Variants in INO80 observed in about 807,000 individuals in gnomAD.
The protein encoded by INO80 is INO80 complex ATPase subunit, also known as chromatin-remodeling ATPase INO80.
A neutral mutation model predicts 203.4 loss-of-function variants in INO80; 20 were observed. That is an observed-to-expected ratio of 0.10 (90% CI 0.07 to 0.14). The LOEUF is 0.14. Among genes scored for constraint, INO80 ranks in the 10% least tolerant of loss-of-function variants. INO80 has a pLI of 1.00. For synonymous variants in INO80, 726 were observed against 685.2 expected, an observed-to-expected ratio of 1.06 and a Z score of -0.93; for missense variants, 1,419 against 1,914.4, an observed-to-expected ratio of 0.74 and a Z score of 4.83.
chr15:41,019,737 A>C (rs1393594251), intron 26 of INO80, among the ~76,000 whole-genome samples: 1 of 152,214 alleles, frequency 6.6e-6, no homozygotes, highest in Non-Finnish European at 1.5e-5. Context: ...TACTGCCTTC[A>C]GATACGCAGA....
chr15:41,033,079 C>G (rs1410009194), intron 24 of INO80, among the ~76,000 whole-genome samples: 1 of 152,042 alleles, frequency 6.6e-6, no homozygotes, highest in Non-Finnish European at 1.5e-5. Context: ...TCAGCACGTA[C>G]TATGCATAAG....
chr15:41,012,561 T>TTAAAAAAAAAAAAAAAAAAAAAAA (rs552096950), intron 27 of INO80, among the ~76,000 whole-genome samples: 1 of 90,808 alleles, frequency 1.1e-5, no homozygotes, highest in African/African-American at 4.1e-5. Context: ...AGACTCTTTT[T>TTAAAAAAAAAAAAAAAAAAAAAAA]AAAAAAAAAA....
chr15:40,981,011 G>T (rs4924531), intron 35 of INO80, among the ~76,000 whole-genome samples: 1 of 152,216 alleles, frequency 6.6e-6, no homozygotes, highest in South Asian at 2.1e-4. Context: ...CCCCCATCTT[G>T]AGTGATGACT....
intron 12 of INO80, among the ~76,000 whole-genome samples, chr15:41,071,101 T>A (rs190382601): frequency 1.2e-4 from 18 of 152,216 alleles, no homozygotes; most frequent in Admixed American, 8.5e-4. Flanking sequence ...CCCAGGAGTT[T>A]AAGGCTACAG....
At position 41,116,069 on chromosome 15, in the gene INO80, C is replaced by G; in HGVS notation, c.-140G>C. ...GGGGTCGCCCCGCCGACGGTGGAGCCGCGGTTCGCTCTCTGAGGCCGTGGG... is the reference window on the plus strand; with the variant it reads ...GGGGTCGCCCCGCCGACGGTGGAGCGGCGGTTCGCTCTCTGAGGCCGTGGG... On this transcript the variant is annotated 5_prime_UTR_variant, in exon 1 of 36. Coordinates refer to ENST00000648947, the MANE Select transcript of INO80 (RefSeq NM_017553.3). 1 of 396,336 alleles carries G rather than the reference C, an allele frequency of 2.5e-6. No individual in the cohort carries two copies. The highest frequency in any genetic ancestry group is 4.5e-6 in the Non-Finnish European group (1 of 224,574). The allele number at this position is 396,336 out of a possible 1,614,324, so 24.6% of individuals were successfully genotyped here. A position where few individuals can be genotyped will look rare whatever the true frequency, so the allele number is the denominator to read the frequency against.
At chr15:41,030,575 TG>T (rs2140485647) in intron 24 of INO80, among the ~76,000 whole-genome samples, 1 of 152,304 alleles carries the variant, frequency 6.6e-6, no homozygotes, top group African/African-American at 2.4e-5. Flanking sequence ...TTGGCCAGGC[TG>T]GTCTTGAACT....
intron 8 of INO80, among the ~76,000 whole-genome samples, chr15:41,080,620 C>T (rs903980458): frequency 6.6e-6 from 1 of 152,154 alleles, no homozygotes. Flanking sequence ...CTTTGGGAGG[C>T]TGAGGCAGGC....
At position 41,055,240 on chromosome 15, in the gene INO80, T is replaced by TACTC; in HGVS notation, c.2188+3_2188+6dup. ...TAGATAGAAAGCCAGCTCATAACAG[T>TACTC]ACTCACTCTCATCAATAGCAGATTT... On this transcript the variant is annotated splice_region_variant and intron_variant, in intron 18 of 35. Coordinates refer to ENST00000648947, the MANE Select transcript of INO80 (RefSeq NM_017553.3). 1 of 1,524,730 alleles carries TACTC rather than the reference T, an allele frequency of 6.6e-7. No homozygotes were observed. The highest frequency in any genetic ancestry group is 9.1e-7 in the Non-Finnish European group (1 of 1,099,772). 94.5% of individuals were successfully genotyped at this position (1,524,730 alleles called of 1,614,324 possible). A position where few individuals can be genotyped will look rare whatever the true frequency, so the allele number is the denominator to read the frequency against.
intron 1 of INO80, among the ~76,000 whole-genome samples, chr15:41,108,286 A>G (rs2045909733): frequency 6.6e-6 from 1 of 151,454 alleles, no homozygotes; most frequent in South Asian, 2.1e-4. Flanking sequence ...TGTGAGCTGA[A>G]TCCATTGAAA....
chr15:41,115,859 G>C (rs2046026678), intron 1 of INO80, 114 bp downstream of exon 1: 1 of 372,424 alleles, frequency 2.7e-6, no homozygotes, highest in Non-Finnish European at 4.8e-6. Context: ...CAAATCCAAG[G>C]GCCGGGGGCG....
chr15:41,023,760 C>T, intron 25 of INO80, among the ~76,000 whole-genome samples: 1 of 88,944 alleles, frequency 1.1e-5, no homozygotes, highest in Non-Finnish European at 1.9e-5. Flanking sequence ...CAGAGTGAGA[C>T]TCTGTCTCAA....
chr15:41,017,502 T>C (rs150664045), intron 26 of INO80: 2 of 152,354 alleles, frequency 1.3e-5, no homozygotes, highest in East Asian at 1.9e-4. Flanking sequence ...ACCTATGGCT[T>C]TTCTTCAGAA....
At chr15:41,052,541 T>C (rs994782931) in intron 19 of INO80, among the ~76,000 whole-genome samples, 17 of 151,284 alleles carry the variant, frequency 1.1e-4, no homozygotes, top group Non-Finnish European at 2.4e-4. Context: ...GGTGTGGTGG[T>C]GTACACCTGT....
chr15:41,013,750 TTA>T (rs537203160), intron 27 of INO80, among the ~76,000 whole-genome samples: 105 of 152,344 alleles, frequency 6.9e-4, no homozygotes, highest in Admixed American at 6.7e-3. Flanking sequence ...GAATTTCATT[TTA>T]GTTTTTAAAA....
At chr15:41,015,882 G>A (rs1379227604) in intron 27 of INO80, among the ~76,000 whole-genome samples, 2 of 150,470 alleles carry the variant, frequency 1.3e-5, no homozygotes, top group Non-Finnish European at 3.0e-5. Flanking sequence ...GGAAGGCAGA[G>A]GTTGCAGAGC....
chr15:41,023,082 C>T (rs1313692633), intron 25 of INO80: 1 of 339,734 alleles, frequency 2.9e-6, no homozygotes, highest in African/African-American at 2.4e-5. Context: ...GCCTGGGCAA[C>T]AGGGTGACAG....
At chr15:41,079,926 C>T (rs774347659) in intron 8 of INO80, 22 bp from the exon 9 acceptor site, 2 of 1,609,062 alleles carry the variant, frequency 1.2e-6, no homozygotes, top group South Asian at 2.2e-5. Flanking sequence ...AACAGCATTA[C>T]AGCGGAAAGG....
At chr15:41,096,501 G>C (rs1219143328) in intron 1 of INO80, 148 bp from the exon 2 acceptor site, 1 of 472,328 alleles carries the variant, frequency 2.1e-6, no homozygotes, top group East Asian at 3.5e-5. Context: ...TCATGATAAA[G>C]CTCTTGTTAG....
intron 29 of INO80, among the ~76,000 whole-genome samples, chr15:40,993,047 G>A (rs1014784198): frequency 5.9e-5 from 9 of 152,064 alleles, no homozygotes; most frequent in Non-Finnish European, 1.3e-4. Context: ...CACCCACATC[G>A]GCCTCCCAAA....
Sources: gnomAD v4.1 joint callset for allele counts (sites outside exome capture counted in the v4.1 genomes callset) on GRCh38, gnomAD v4.1.1 for gene constraint, MANE v1.5 for transcripts, NCBI Gene and HGNC (gene_info 2026-07-23, HGNC 2026-07-21) for gene names.